Variants in ZNF33B observed in about 807,000 individuals in gnomAD.
The protein encoded by ZNF33B is zinc finger protein 33B.
In ZNF33B, 29 loss-of-function variants were observed where a neutral mutation model predicts 45.8. The ratio of observed to expected loss-of-function variants is 0.63; its 90% CI spans 0.47 to 0.86. The LOEUF (loss-of-function observed/expected upper bound fraction) is 0.86. Among genes scored for constraint, ZNF33B ranks in the 40% least tolerant of loss-of-function variants. The probability of loss-of-function intolerance (pLI) is 0.00; values close to 1 mark genes in which losing one functional copy is unlikely to be tolerated. For missense variants in ZNF33B, 831 were observed against 909.9 expected (o/e 0.91, Z 1.12); for synonymous variants, 305 against 307.8 (o/e 0.99, Z 0.10).
intron 4 of ZNF33B, among the ~76,000 whole-genome samples, chr10:42,612,827 G>A (rs1237651514): frequency 6.6e-6 from 1 of 151,970 alleles, no homozygotes; most frequent in African/African-American, 2.4e-5. Context: ...AACCAAAAGA[G>A]TCTGATAATT....
rs1388105599 is a variant in ZNF33B, at chr10:42,612,892, A to G, written c.251-18193T>C. On this transcript the variant is annotated intron_variant, in intron 4 of 4. Transcript: ENST00000359467. ...TATGGATTCAATTTATTTAACTGAT[A>G]TTGGTCCATTTGAATGGTTTATTTC... Among the ~76,000 whole-genome samples the G allele has an allele frequency of 3.9e-5, 6 of 152,210 alleles. No homozygotes were observed. In the East Asian group the frequency reaches 1.2e-3, roughly 30 times the overall value.
chr10:42,585,462 A>G (rs1037714156), downstream of ZNF33B, among the ~76,000 whole-genome samples: 5 of 152,198 alleles, frequency 3.3e-5, no homozygotes, highest in African/African-American at 1.2e-4. Flanking sequence ...TGGGGGTGCT[A>G]TATTTCATCT....
chr10:42,620,600 G>A (rs1838530906), intron 4 of ZNF33B, among the ~76,000 whole-genome samples: 1 of 151,290 alleles, frequency 6.6e-6, no homozygotes, highest in Non-Finnish European at 1.5e-5. Context: ...TGTAGAAACG[G>A]AGTCTCACTT....
rs568063577 is a variant in ZNF33B at position 42,629,909 on chromosome 10, C to G, written c.250+2020G>C. Among the ~76,000 whole-genome samples, 4 of 152,314 alleles carry G rather than the reference C, an allele frequency of 2.6e-5. No individual in the cohort carries two copies. The East Asian group carries it at 7.7e-4, about 29-fold the overall frequency. On this transcript the variant is annotated intron_variant, in intron 4 of 4. Transcript: ENST00000359467. ...CAGTCTATCAAGCATTTTACCACTT[C>G]AAGTGAAATGTACCAAGTTTCATTC...
intron 1 of ZNF33B, among the ~76,000 whole-genome samples, chr10:42,575,549 T>C (rs1378140550): frequency 6.6e-6 from 1 of 152,088 alleles, no homozygotes; most frequent in Non-Finnish European, 1.5e-5. Context: ...TACCTCTATT[T>C]TGAATTTGCA....
intron 4 of ZNF33B, among the ~76,000 whole-genome samples, chr10:42,612,218 A>G (rs1838127850): frequency 6.9e-6 from 1 of 145,628 alleles, no homozygotes; most frequent in South Asian, 2.2e-4. Flanking sequence ...TTGACGTGGC[A>G]GGTTACAGAA....
At chr10:42,628,908 A>G (rs1322065775) in intron 4 of ZNF33B, among the ~76,000 whole-genome samples, 1 of 152,186 alleles carries the variant, frequency 6.6e-6, no homozygotes, top group African/African-American at 2.4e-5. Context: ...AAGTTCCTGA[A>G]AAAACTAAAA....
At position 42,575,736 on chromosome 10, in the gene ZNF33B, A is replaced by ACATATATTT. The variant is rs1554819616; in HGVS notation, c.74-1059_74-1058insAAATATATG. On this transcript the variant is annotated intron_variant, in intron 1 of 1. Coordinates refer to the ZNF33B transcript ENST00000462075. Reference sequence around the variant, plus strand: ...AATATATATATATATATACATATATATTTTTTTTTTTTGAGACAGAGTCTC... The same window carrying ACATATATTT: ...AATATATATATATATATACATATATACATATATTTTTTTTTTTTTTTGAGACAGAGTCTC... 2.6e-3 allele frequency among the ~76,000 whole-genome samples: 373 copies of ACATATATTT among 143,468 alleles called. 2 individuals are homozygous for ACATATATTT. Among genetic ancestry groups the ACATATATTT allele is most frequent in the Non-Finnish European group, 3.4e-3 (224 of 65,562 alleles). The allele number at this position is 143,468 out of a possible 152,430, so 94.1% of individuals were successfully genotyped here. A position where few individuals can be genotyped will look rare whatever the true frequency, so the allele number is the denominator to read the frequency against.
Position 42,632,396 on chromosome 10 carries a change from G to A in ZNF33B, c.53C>T (p.Thr18Ile). 2 of 1,613,878 alleles carry A rather than the reference G, an allele frequency of 1.2e-6. No individual in the cohort carries two copies. Among genetic ancestry groups the A allele is most frequent in the Non-Finnish European group, 1.7e-6 (2 of 1,179,974 alleles). Residue 18 changes from threonine to isoleucine, a missense_variant, in exon 3 of 5, where the codon ACT becomes ATT. By Grantham distance (89) the Thr-to-Ile change is moderately conservative. Transcript: ENST00000359467. ...CCACTCCTCCTGGGTGAAGCCCACA[G>A]TCACATCTTTAAATGATACTGACCC... ...FQGSVSFKDV[T>I]VGFTQEEWQH...
At chr10:42,578,335 TG>T (rs1020771772) in intron 1 of ZNF33B, among the ~76,000 whole-genome samples, 3 of 152,224 alleles carry the variant, frequency 2.0e-5, no homozygotes, top group African/African-American at 7.2e-5. Flanking sequence ...GGCACAGCAC[TG>T]GGGTATCTGG....
chr10:42,576,635 T>C (rs1836752614), intron 1 of ZNF33B, among the ~76,000 whole-genome samples: 1 of 152,204 alleles, frequency 6.6e-6, no homozygotes, highest in African/African-American at 2.4e-5. Flanking sequence ...TGAGATCCTG[T>C]AAAGTGTGAA....
intron 1 of ZNF33B, chr10:42,581,580 T>C (rs1050521266): frequency 1.3e-5 from 2 of 150,846 alleles, no homozygotes; most frequent in African/African-American, 2.4e-5. Context: ...CAAGAAACCA[T>C]GTAGAATGAG....
intron 4 of ZNF33B, among the ~76,000 whole-genome samples, chr10:42,603,240 C>A (rs1353076792): frequency 6.6e-6 from 1 of 152,170 alleles, no homozygotes; most frequent in Non-Finnish European, 1.5e-5. Context: ...AGGACTCTCA[C>A]CTAGGGCCAG....
chr10:42,616,893 A>G (rs2132113414), intron 4 of ZNF33B, among the ~76,000 whole-genome samples: 1 of 151,748 alleles, frequency 6.6e-6, no homozygotes, highest in African/African-American at 2.4e-5. Flanking sequence ...ACGGGGTTTC[A>G]CCATGTTGGC....
intron 4 of ZNF33B, among the ~76,000 whole-genome samples, chr10:42,616,752 G>A (rs888107726): frequency 7.9e-5 from 12 of 151,948 alleles, no homozygotes; most frequent in Non-Finnish European, 1.6e-4. Flanking sequence ...CTGGAGTGTC[G>A]TGGCACCATT....
At position 42,592,765 on chromosome 10, in the gene ZNF33B, T is replaced by C; in HGVS notation, c.2185A>G (p.Ile729Val). 1 of 1,614,102 alleles carries C rather than the reference T, an allele frequency of 6.2e-7. No homozygotes were observed. Among genetic ancestry groups the C allele is most frequent in the Non-Finnish European group, 8.5e-7 (1 of 1,179,994 alleles). Residue 729 changes from isoleucine (I) to valine (V), a missense_variant, in exon 5 of 5, where the codon ATC (isoleucine) becomes GTC (valine). Physicochemically the swap from Ile to Val is conservative, Grantham distance 29 (BLOSUM62 3). Coordinates refer to ENST00000359467, the MANE Select transcript of ZNF33B (RefSeq NM_006955.3). ...GCAAGGTCTGATTTACGGTAAAAGA[T>C]TTTTCCACATTCATTACACTGACAA... is the stretch of plus-strand genomic sequence containing the variant. ...KSCQCNECGK[I>V]FYRKSDLAKH...
At chr10:42,575,580 C>T (rs545651107) in intron 1 of ZNF33B, among the ~76,000 whole-genome samples, 6 of 151,680 alleles carry the variant, frequency 4.0e-5, no homozygotes, top group African/African-American at 4.8e-5. Flanking sequence ...TCATGTATGC[C>T]CCTAATATTT....
chr10:42,602,146 C>T (rs193196133), intron 4 of ZNF33B, among the ~76,000 whole-genome samples: 2 of 151,880 alleles, frequency 1.3e-5, no homozygotes, highest in African/African-American at 2.4e-5. Flanking sequence ...AGGCTGGTCT[C>T]GAACTCCTGA....
intron 4 of ZNF33B, among the ~76,000 whole-genome samples, chr10:42,607,687 T>A (rs1837923335): frequency 6.6e-6 from 1 of 152,188 alleles, no homozygotes; most frequent in Non-Finnish European, 1.5e-5. Flanking sequence ...AATAGTCAAA[T>A]TAGTTGAAAA....
Sources: allele counts gnomAD v4.1 joint callset (sites outside exome capture counted in the v4.1 genomes callset), GRCh38; gene constraint gnomAD v4.1.1; transcripts MANE v1.5; gene names NCBI Gene and HGNC (gene_info 2026-07-23, HGNC 2026-07-21).